NOL4: variants seen among roughly 807,000 people sequenced by gnomAD.
NOL4 encodes the protein nucleolar protein 4, also known as cancer/testis antigen 125.
NOL4 carries 17 observed loss-of-function variants against 75.9 expected under a neutral mutation model. That is an observed-to-expected ratio of 0.22 (90% confidence interval 0.15 to 0.34). The LOEUF (loss-of-function observed/expected upper bound fraction) is 0.34. Ranked by LOEUF, NOL4 falls within the 10% of genes least tolerant of loss-of-function variation. NOL4 has a pLI of 1.00. For synonymous variants in NOL4, 292 were observed against 289.9 expected, an observed-to-expected ratio of 1.01 and a Z score of -0.07; for missense variants, 614 against 793.5, an observed-to-expected ratio of 0.77 and a Z score of 2.72.
chr18:33,961,165 A>G (rs1191514108), intron 6 of NOL4, among the ~76,000 whole-genome samples: 1 of 152,116 alleles, frequency 6.6e-6, no homozygotes, highest in Non-Finnish European at 1.5e-5. Flanking sequence ...TCTGACAGTT[A>G]GTTTTATGTG....
intron 5 of NOL4, among the ~76,000 whole-genome samples, chr18:34,075,719 C>A (rs2077715041): frequency 1.3e-5 from 2 of 152,196 alleles, no homozygotes; most frequent in Admixed American, 6.5e-5. Flanking sequence ...AAAACACATT[C>A]TCTTATGTTC....
At chr18:34,165,117 G>C (rs1448816794) in intron 1 of NOL4, among the ~76,000 whole-genome samples, 1 of 150,540 alleles carries the variant, frequency 6.6e-6, no homozygotes, top group Non-Finnish European at 1.5e-5. Flanking sequence ...GGGAGGGATA[G>C]CATTAGGAGA....
chr18:33,878,308 T>A (rs1599714870), intron 10 of NOL4, among the ~76,000 whole-genome samples: 1 of 152,090 alleles, frequency 6.6e-6, no homozygotes, highest in East Asian at 1.9e-4. Context: ...TGTGTATTAT[T>A]CTTTTCCTTA....
chr18:34,113,845 A>G (rs1049347668), intron 2 of NOL4, among the ~76,000 whole-genome samples: 4 of 152,162 alleles, frequency 2.6e-5, no homozygotes, highest in African/African-American at 7.2e-5. Context: ...AAGTACCTCT[A>G]TGACTCTTAC....
intron 8 of NOL4, among the ~76,000 whole-genome samples, chr18:33,952,695 C>T (rs1227779499): frequency 2.6e-5 from 4 of 152,152 alleles, no homozygotes; most frequent in African/African-American, 7.2e-5. Context: ...GAGGCCAAGG[C>T]GGGTGGATCA....
At chr18:33,991,596 G>C (rs534851537) in intron 6 of NOL4, among the ~76,000 whole-genome samples, 35 of 151,994 alleles carry the variant, frequency 2.3e-4, no homozygotes, top group African/African-American at 8.0e-4. Flanking sequence ...GTGAGATAGG[G>C]AGGGGAATTA....
At chr18:33,898,983 T>C (rs772704827) in intron 9 of NOL4, among the ~76,000 whole-genome samples, 3 of 152,152 alleles carry the variant, frequency 2.0e-5, no homozygotes, top group Admixed American at 6.6e-5. Flanking sequence ...CCATCCCCAC[T>C]CCACTGGGGT....
At chr18:34,011,907 G>A (rs986869429) in intron 6 of NOL4, among the ~76,000 whole-genome samples, 3 of 151,778 alleles carry the variant, frequency 2.0e-5, no homozygotes, top group African/African-American at 7.3e-5. Flanking sequence ...GTCTAAAAAG[G>A]AACTCAAAAT....
intron 5 of NOL4, among the ~76,000 whole-genome samples, chr18:34,037,647 A>AATAT (rs1272780009): frequency 6.6e-6 from 1 of 152,114 alleles, no homozygotes; most frequent in East Asian, 1.9e-4. Context: ...AGATACAAAG[A>AATAT]ATATATACTA....
At chr18:34,024,194 A>ATATATATACATATATATAT (rs1555696186) in intron 5 of NOL4, among the ~76,000 whole-genome samples, 1 of 70,698 alleles carries the variant, frequency 1.4e-5, no homozygotes, top group African/African-American at 5.3e-5. Flanking sequence ...AAAAAAAAAA[A>ATATATATACATATATATAT]ATATATATAT....
chr18:34,147,129 G>C (rs1434860122), intron 1 of NOL4, among the ~76,000 whole-genome samples: 1 of 152,128 alleles, frequency 6.6e-6, no homozygotes, highest in Non-Finnish European at 1.5e-5. Context: ...CTGAGACGAT[G>C]GGGTTTTCTA....
At chr18:33,987,401 A>G (rs974157119) in intron 6 of NOL4, among the ~76,000 whole-genome samples, 2 of 152,106 alleles carry the variant, frequency 1.3e-5, no homozygotes, top group African/African-American at 4.8e-5. Context: ...TCTAGGAATG[A>G]CATGGGGAGG....
At chr18:33,973,218 T>G (rs2071220083) in intron 6 of NOL4, among the ~76,000 whole-genome samples, 2 of 152,230 alleles carry the variant, frequency 1.3e-5, no homozygotes, top group African/African-American at 4.8e-5. Context: ...GATGCTATCT[T>G]AAGAAACTAC....
chr18:33,855,569 C>A (rs1229228054), intron 10 of NOL4, among the ~76,000 whole-genome samples: 1 of 151,980 alleles, frequency 6.6e-6, no homozygotes, highest in Non-Finnish European at 1.5e-5. Flanking sequence ...AGGCACATAC[C>A]AAGGCAACTT....
chr18:33,976,696 T>C (rs1246593595), intron 6 of NOL4, among the ~76,000 whole-genome samples: 4 of 152,212 alleles, frequency 2.6e-5, no homozygotes, highest in East Asian at 3.8e-4. Flanking sequence ...TATACTGTTA[T>C]CTCATATTTA....
chr18:34,124,839 G>A (rs1279001615), intron 2 of NOL4, among the ~76,000 whole-genome samples: 2 of 151,844 alleles, frequency 1.3e-5, no homozygotes, highest in Non-Finnish European at 2.9e-5. Context: ...CTCGGGAGGT[G>A]GAGGTTGCAG....
chr18:33,940,613 G>C (rs760875113), intron 9 of NOL4, among the ~76,000 whole-genome samples: 1 of 151,802 alleles, frequency 6.6e-6, no homozygotes, highest in Non-Finnish European at 1.5e-5. Flanking sequence ...TGGGTTGATG[G>C]GTGAAGCAAA....
chr18:34,052,976 C>A (rs985421711), intron 5 of NOL4, among the ~76,000 whole-genome samples: 1 of 151,922 alleles, frequency 6.6e-6, no homozygotes, highest in Non-Finnish European at 1.5e-5. Flanking sequence ...CTTGAGAGCC[C>A]AAGATCCCTG....
chr18:34,198,244 T>G (rs1477037239), intron 1 of NOL4, among the ~76,000 whole-genome samples: 1 of 151,876 alleles, frequency 6.6e-6, no homozygotes, highest in African/African-American at 2.4e-5. Context: ...TAAACACTTA[T>G]TTTAGATTGT....
Sources: gnomAD v4.1 joint callset for allele counts (sites outside exome capture counted in the v4.1 genomes callset) on GRCh38, gnomAD v4.1.1 for gene constraint, MANE v1.5 for transcripts, NCBI Gene and HGNC (gene_info 2026-07-23, HGNC 2026-07-21) for gene names.